Variants in PPM1F observed in about 807,000 individuals in gnomAD.
PPM1F encodes protein phosphatase, Mg2+/Mn2+ dependent 1F.
A neutral mutation model predicts 35.5 loss-of-function variants in PPM1F; 17 were observed. The observed-to-expected ratio is 0.48, with a 90% CI of 0.33 to 0.72. The LOEUF is 0.72. Among genes scored for constraint, PPM1F ranks in the 30% least tolerant of loss-of-function variants. The pLI, the probability that PPM1F is intolerant of heterozygous loss-of-function variation, is 0.02. For missense variants in PPM1F, 521 were observed against 613.0 expected, an observed-to-expected ratio of 0.85 and a Z score of 1.59; for synonymous variants, 241 against 255.5, an observed-to-expected ratio of 0.94 and a Z score of 0.54.
Position 21,923,359 on chromosome 22 carries a change from TACG to T in PPM1F, c.1095_1097del (p.Val366del). ...CCAGGCCAACAACTTCCTGGTGGGG[TACG>T]ACGTCAAAGAAGCCATCACAGGCAA... On this transcript the variant is annotated inframe_deletion, in exon 8 of 8. Transcript: ENST00000263212. 1.2e-6 allele frequency: 2 copies of T among 1,613,620 alleles called. No homozygotes were observed. The highest frequency in any genetic ancestry group is 2.2e-5 in the South Asian group (2 of 91,066).
rs779376709 is a variant in PPM1F, at chr22:21,923,454, G to C, written c.1003C>G (p.Pro335Ala). The C allele has an allele frequency of 1.2e-6, 2 of 1,605,386 alleles. No individual in the cohort carries two copies. Among genetic ancestry groups the C allele is most frequent in the South Asian group, 1.1e-5 (1 of 90,870 alleles). Residue 335 changes from proline to alanine, a missense_variant, in exon 8 of 8, where the codon CCC becomes GCC. This residue lies in a region of PPM1F where 163 missense variants were observed against 169.6 expected (regional missense o/e 0.96). Coordinates refer to ENST00000263212, the MANE Select transcript of PPM1F (RefSeq NM_014634.4). Reference protein sequence around the residue: ...SRAIGDVFQKPYVSGEADAAS... With the variant: ...SRAIGDVFQKAYVSGEADAAS... ...GCATCGGCCTCCCCAGACACGTAGG[G>C]CTTCTGGAAGACATCCCCTGGACAG...
At chr22:21,934,647 G>C (rs2070637378) in intron 3 of PPM1F, 1 of 159,104 alleles carries the variant, frequency 6.3e-6, no homozygotes, top group African/African-American at 2.4e-5. Context: ...CACTTTGGGA[G>C]GCCGAGGTGG....
At position 21,939,568 on chromosome 22, in the gene PPM1F, C is replaced by T. The variant is rs1297215552; in HGVS notation, c.319G>A (p.Glu107Lys). 1 of 1,579,642 alleles carries T rather than the reference C, an allele frequency of 6.3e-7. No individual in the cohort carries two copies. The highest frequency in any genetic ancestry group is 8.6e-7 in the Non-Finnish European group (1 of 1,161,314). Residue 107 changes from glutamate (E) to lysine (K), a missense_variant, in exon 3 of 8, where the codon GAG (glutamate) becomes AAG (lysine). Physicochemically the swap from Glu to Lys is moderately conservative, Grantham distance 56. Coordinates refer to ENST00000263212, the MANE Select transcript of PPM1F (RefSeq NM_014634.4). This position sits in a 1 kb window ranked among gnomAD's most constrained non-coding sequence, Gnocchi z 5.1. ...GCCTTTTCCTCCTCGTCATCGTCCTCCTCCTCTTCTTCTTCCTCCCTGGGC... is the reference window on the plus strand; with the variant it reads ...GCCTTTTCCTCCTCGTCATCGTCCTTCTCCTCTTCTTCTTCCTCCCTGGGC... ...KLPREEEEEEEDDDEEEKAPV... is the reference protein window; with the variant it reads ...KLPREEEEEEKDDDEEEKAPV...
chr22:21,932,251 C>A (rs2070600884), intron 5 of PPM1F, among the ~76,000 whole-genome samples: 1 of 152,246 alleles, frequency 6.6e-6, no homozygotes, highest in Non-Finnish European at 1.5e-5. Context: ...CTGTGCCCAG[C>A]CTCAATAAAG....
intron 2 of PPM1F, chr22:21,944,204 C>T (rs2070754819): frequency 6.6e-6 from 1 of 152,296 alleles, no homozygotes; most frequent in Non-Finnish European, 1.5e-5. Flanking sequence ...CCAATAACAC[C>T]CTTTGCGCAT....
intron 2 of PPM1F, 85 bp downstream of exon 2, chr22:21,945,758 G>T: frequency 2.2e-6 from 3 of 1,385,956 alleles, no homozygotes; most frequent in Non-Finnish European, 3.0e-6. Flanking sequence ...GGGGCTGGAC[G>T]TGTAGGGGAG....
chr22:21,931,575 C>G (rs1022103901), intron 5 of PPM1F, among the ~76,000 whole-genome samples: 8 of 152,256 alleles, frequency 5.3e-5, no homozygotes, highest in Middle Eastern at 3.4e-3. Flanking sequence ...TGCAGTGGCA[C>G]AATCTCGGCT....
intron 2 of PPM1F, among the ~76,000 whole-genome samples, chr22:21,940,286 A>G (rs1045136016): frequency 1.3e-5 from 2 of 152,176 alleles, no homozygotes; most frequent in Non-Finnish European, 2.9e-5. Context: ...CAGCCTGGCC[A>G]ACATGGTAAA....
rs1364316884 is a variant in PPM1F, at chr22:21,922,516, AG to A, written c.*575del. On this transcript the variant is annotated 3_prime_UTR_variant, in exon 8 of 8. Coordinates refer to ENST00000263212, the MANE Select transcript of PPM1F (RefSeq NM_014634.4). ...ATCATGGCTGCCCTGGAGTGGGGGCAGGGGGGTGGCTGCTACAGAACAGACC... is the reference window on the plus strand; with the variant it reads ...ATCATGGCTGCCCTGGAGTGGGGGCAGGGGGTGGCTGCTACAGAACAGACC... 3.9e-5 allele frequency: 6 copies of A among 152,616 alleles called. No homozygotes were observed. The highest frequency in any genetic ancestry group is 9.6e-5 in the African/African-American group (4 of 41,590). 9.5% of individuals were successfully genotyped at this position (152,616 alleles called of 1,614,324 possible). A position where few individuals can be genotyped will look rare whatever the true frequency, so the allele number is the denominator to read the frequency against.
Position 21,933,729 on chromosome 22 carries a change from G to A in PPM1F, c.559-150C>T, listed in dbSNP as rs532278392. Reference sequence around the variant, plus strand: ...CGTATGAGGGGGTAGGTTTGGAAAAGGACAGCTCGCGGGAGCCTCGGTTTC... The same window carrying A: ...CGTATGAGGGGGTAGGTTTGGAAAAAGACAGCTCGCGGGAGCCTCGGTTTC... On this transcript the variant is annotated intron_variant, in intron 4 of 7. Coordinates refer to ENST00000263212, the MANE Select transcript of PPM1F (RefSeq NM_014634.4). The A allele has an allele frequency of 4.5e-5, 35 of 771,788 alleles. No homozygotes were observed. In the South Asian group the frequency reaches 5.9e-4, roughly 13 times the overall value. The allele number at this position is 771,788 out of a possible 1,614,324, so 47.8% of individuals were successfully genotyped here.
At chr22:21,924,901 TTTATTA>T (rs2070493717) in intron 7 of PPM1F, 2 of 150,900 alleles carry the variant, frequency 1.3e-5, no homozygotes, top group East Asian at 3.9e-4. Context: ...TTTATTTATT[TTTATTA>T]TTATTTTTTG....
At chr22:21,926,972 G>A (rs558104192) in intron 6 of PPM1F, among the ~76,000 whole-genome samples, 137 of 152,330 alleles carry the variant, frequency 9.0e-4, no homozygotes, top group African/African-American at 3.2e-3. Flanking sequence ...GCATTGTGGT[G>A]GGAATGACAT....
Position 21,945,828 on chromosome 22 carries a change from G to T in PPM1F, c.206+15C>A, listed in dbSNP as rs2070771312. ...GCCCTTACTCCCCGTCCCCTTTGGG[G>T]GTGCACAGGCCTACCTGCTGCCCAG... On this transcript the variant is annotated intron_variant, in intron 2 of 7. Transcript: ENST00000263212. 2 of 1,604,938 alleles carry T rather than the reference G, an allele frequency of 1.2e-6. No individual in the cohort carries two copies. The highest frequency in any genetic ancestry group is 1.7e-6 in the Non-Finnish European group (2 of 1,179,394).
intron 5 of PPM1F, 83 bp from the exon 6 acceptor site, chr22:21,931,374 G>A (rs1297431476): frequency 1.5e-6 from 2 of 1,334,408 alleles, no homozygotes; most frequent in African/African-American, 2.9e-5. Flanking sequence ...AGCTTCCGGG[G>A]GTGATGAATA....
Position 21,939,563 on chromosome 22 carries a change from G to C in PPM1F, c.324C>G (p.Asp108Glu). 6.3e-7 allele frequency: 1 copy of C among 1,581,938 alleles called. No individual in the cohort carries two copies. The highest frequency in any genetic ancestry group is 8.6e-7 in the Non-Finnish European group (1 of 1,162,480). The change falls in exon 3 of 8, where the codon GAC (aspartate) becomes GAG (glutamate). Residue 108 changes from aspartate to glutamate, a missense_variant. Physicochemically the swap from Asp to Glu is conservative, Grantham distance 45. This residue lies in a region of PPM1F where 311 missense variants were observed against 351.5 expected (regional missense o/e 0.88). Coordinates refer to ENST00000263212, the MANE Select transcript of PPM1F (RefSeq NM_014634.4). The surrounding 1 kb of genome is among the most constrained non-coding windows in gnomAD (Gnocchi z 5.1). ...LPREEEEEEEDDDEEEKAPVT... is the reference protein window; with the variant it reads ...LPREEEEEEEEDDEEEKAPVT... ...CAGGGGCCTTTTCCTCCTCGTCATCGTCCTCCTCCTCTTCTTCTTCCTCCC... is the reference window on the plus strand; with the variant it reads ...CAGGGGCCTTTTCCTCCTCGTCATCCTCCTCCTCCTCTTCTTCTTCCTCCC...
chr22:21,925,810 C>T lies in PPM1F; in HGVS notation c.892-148G>A, dbSNP rs1453116962. 1.1e-5 allele frequency: 6 copies of T among 550,696 alleles called. No homozygotes were observed. In the East Asian group the frequency reaches 1.8e-4, roughly 16 times the overall value. The allele number at this position is 550,696 out of a possible 1,614,324, so 34.1% of individuals were successfully genotyped here. The stretch of plus-strand genomic sequence containing the variant: ...AACAAAGCCAGGAGGCTCAGAGATG[C>T]ACCCAAACGAGGCTCATCAAAAACA... On this transcript the variant is annotated intron_variant, in intron 6 of 7. Coordinates refer to ENST00000263212, the MANE Select transcript of PPM1F (RefSeq NM_014634.4).
rs1427300018 is a variant in PPM1F, at chr22:21,922,883, C to G, written c.*209G>C. The G allele has an allele frequency of 4.7e-6, 3 of 633,364 alleles. No homozygotes were observed. Among genetic ancestry groups the G allele is most frequent in the Admixed American group, 5.8e-5 (2 of 34,770 alleles). 39.2% of individuals were successfully genotyped at this position (633,364 alleles called of 1,614,324 possible). On this transcript the variant is annotated 3_prime_UTR_variant, in exon 8 of 8. Coordinates refer to ENST00000263212, the MANE Select transcript of PPM1F (RefSeq NM_014634.4). ...CTTCTCTTTGGTGAGGTCTCCTAAG[C>G]TGCCTTCCACCATCTGCCCGCCACC...
In PPM1F at chr22:21,945,918, G is replaced by A. The variant is rs778576584; in HGVS notation, c.131C>T (p.Ala44Val). 1 of 1,612,804 alleles carries A rather than the reference G, an allele frequency of 6.2e-7. No homozygotes were observed. The highest frequency in any genetic ancestry group is 1.3e-5 in the African/African-American group (1 of 74,910). ...CTCCTGGCTGAGCACCGTCCCTGGG[G>A]CCTTCCATGGCAGAGGGTCCTCTGG... Reference protein sequence around the residue: ...LNPEDPLPWKAPGTVLSQEEV... With the variant: ...LNPEDPLPWKVPGTVLSQEEV... Residue 44 changes from alanine (A) to valine (V), a missense_variant, in exon 2 of 8, where the codon GCC becomes GTC. Physicochemically the swap from Ala to Val is moderately conservative, Grantham distance 64. Around this residue, in one of 3 missense-constraint regions of PPM1F, gnomAD observed 311 missense variants for 351.5 expected, o/e 0.88. Coordinates refer to ENST00000263212, the MANE Select transcript of PPM1F (RefSeq NM_014634.4).
intron 2 of PPM1F, 145 bp downstream of exon 2, chr22:21,945,698 G>T: frequency 1.3e-6 from 1 of 759,814 alleles, no homozygotes. Context: ...AGCAGCCACG[G>T]GAGTTCCACA....
Sources: allele counts gnomAD v4.1 joint callset (sites outside exome capture counted in the v4.1 genomes callset), GRCh38; gene constraint gnomAD v4.1.1; regional missense constraint gnomAD v4.1.1; non-coding constraint Gnocchi (gnomAD v3.1); transcripts MANE v1.5; gene names NCBI Gene and HGNC (gene_info 2026-07-23, HGNC 2026-07-21).